The following ZNF385D variants were observed in gnomAD, a reference collection of about 807,000 sequenced individuals.
ZNF385D encodes the protein zinc finger protein 385D.
In ZNF385D, 15 loss-of-function variants were observed where a neutral mutation model predicts 35.8. The ratio of observed to expected loss-of-function variants is 0.42; its 90% CI spans 0.28 to 0.64. The LOEUF (loss-of-function observed/expected upper bound fraction) is 0.64, where lower values mean the gene tolerates loss of function less well. Among genes scored for constraint, ZNF385D ranks in the 30% least tolerant of loss-of-function variants. ZNF385D has a pLI of 0.23. For synonymous variants in ZNF385D, 212 were observed against 186.8 expected (o/e 1.13, Z -1.10); for missense variants, 474 against 494.6 (o/e 0.96, Z 0.39).
chr3:21,588,530 G>A lies in ZNF385D; in HGVS notation c.166-23846C>T, dbSNP rs551506855. ...TTATCAAACAGTATATAACCTTATAGAGATAACATATACAATATATATAAA... is the reference window on the plus strand; with the variant it reads ...TTATCAAACAGTATATAACCTTATAAAGATAACATATACAATATATATAAA... On this transcript the variant is annotated intron_variant, in intron 2 of 7. Transcript: ENST00000281523. 1.4e-3 allele frequency among the ~76,000 whole-genome samples: 207 copies of A among 152,058 alleles called. 2 individuals are homozygous for A. The highest frequency in any genetic ancestry group is 1.0e-3 in the Non-Finnish European group (69 of 67,970).
At chr3:21,853,713 A>C (rs1231546036) in intron 3 of ZNF385D, among the ~76,000 whole-genome samples, 2 of 151,944 alleles carry the variant, frequency 1.3e-5, no homozygotes, top group Non-Finnish European at 2.9e-5. Flanking sequence ...ATGTCATTTC[A>C]TCACGATGAG....
chr3:21,633,405 C>G (rs1265824670), intron 2 of ZNF385D, among the ~76,000 whole-genome samples: 1 of 151,930 alleles, frequency 6.6e-6, no homozygotes, highest in Non-Finnish European at 1.5e-5. Context: ...ATATAAACAA[C>G]TATACTAACA....
chr3:22,204,875 A>C (rs1697041575), intron 2 of ZNF385D, among the ~76,000 whole-genome samples: 1 of 151,790 alleles, frequency 6.6e-6, no homozygotes, highest in Non-Finnish European at 1.5e-5. Flanking sequence ...AAATAGCCTC[A>C]AAAGGGCAAA....
chr3:21,848,701 C>G (rs549536803), intron 3 of ZNF385D, among the ~76,000 whole-genome samples: 1 of 151,920 alleles, frequency 6.6e-6, no homozygotes, highest in Non-Finnish European at 1.5e-5. Context: ...AATAGAATGC[C>G]TGAATAGTCG....
chr3:22,257,102 G>C (rs1466385525), intron 2 of ZNF385D, among the ~76,000 whole-genome samples: 2 of 151,742 alleles, frequency 1.3e-5, no homozygotes, highest in Non-Finnish European at 2.9e-5. Flanking sequence ...TGAAACAACA[G>C]GACCTTGGGA....
intron 3 of ZNF385D, among the ~76,000 whole-genome samples, chr3:22,040,649 T>C (rs917750662): frequency 2.0e-5 from 3 of 152,320 alleles, no homozygotes; most frequent in East Asian, 3.9e-4. Context: ...TAAAGAATTA[T>C]GGGAACAAGG....
At chr3:21,960,287 C>A (rs1438737139) in intron 3 of ZNF385D, among the ~76,000 whole-genome samples, 3 of 151,602 alleles carry the variant, frequency 2.0e-5, no homozygotes, top group African/African-American at 7.3e-5. Flanking sequence ...ATAAACATTT[C>A]TCAAAAGAAG....
At chr3:21,886,799 G>C (rs1698570805) in intron 3 of ZNF385D, among the ~76,000 whole-genome samples, 1 of 152,072 alleles carries the variant, frequency 6.6e-6, no homozygotes, top group African/African-American at 2.4e-5. Flanking sequence ...ATCTAATAAA[G>C]AGTTGTATAT....
intron 3 of ZNF385D, among the ~76,000 whole-genome samples, chr3:21,807,782 C>T (rs569501763): frequency 1.0e-3 from 154 of 152,228 alleles, no homozygotes; most frequent in African/African-American, 3.4e-3. Flanking sequence ...TCAATGGCAT[C>T]TTCAAATATG....
Position 21,570,496 on chromosome 3 carries a change from A to C in ZNF385D, c.166-5812T>G, listed in dbSNP as rs118161886. ...TGTTCCTATTATTACTGTGGCTTTC[A>C]CAATTTCACAGTTCTTAAACCAAAG... is the stretch of plus-strand genomic sequence containing the variant. On this transcript the variant is annotated intron_variant, in intron 2 of 7. Coordinates refer to ENST00000281523, the MANE Select transcript of ZNF385D (RefSeq NM_024697.3). Among the ~76,000 whole-genome samples the C allele has an allele frequency of 1.6e-3, 244 of 152,286 alleles. 8 individuals are homozygous for C. The South Asian group carries it at 0.032, about 20-fold the overall frequency.
intron 3 of ZNF385D, among the ~76,000 whole-genome samples, chr3:22,126,349 A>G (rs1470867083): frequency 8.2e-6 from 1 of 121,714 alleles, no homozygotes; most frequent in Non-Finnish European, 1.6e-5. Flanking sequence ...TGGTGTAGGC[A>G]CTTGTTGCTA....
chr3:22,258,491 C>A (rs940276938), intron 2 of ZNF385D, among the ~76,000 whole-genome samples: 1 of 151,538 alleles, frequency 6.6e-6, no homozygotes, highest in African/African-American at 2.4e-5. Flanking sequence ...GGTTTTAGAA[C>A]CAAATCATCA....
chr3:21,433,187 G>A (rs1411024202), intron 5 of ZNF385D, among the ~76,000 whole-genome samples: 1 of 152,098 alleles, frequency 6.6e-6, no homozygotes, highest in Non-Finnish European at 1.5e-5. Context: ...CTATATCACT[G>A]ATAGCATTTA....
chr3:22,346,842 TA>T (rs199930014), intron 2 of ZNF385D, among the ~76,000 whole-genome samples: 1,871 of 152,340 alleles, frequency 0.012, 35 homozygotes, highest in African/African-American at 0.043. Flanking sequence ...TTGCCTACTT[TA>T]AAAAGAAAAT....
chr3:21,761,939 C>T (rs1229926252), intron 3 of ZNF385D, among the ~76,000 whole-genome samples: 6 of 127,520 alleles, frequency 4.7e-5, no homozygotes, highest in African/African-American at 1.2e-4. Flanking sequence ...AGTGCAGTGG[C>T]GCGATCTCGG....
intron 3 of ZNF385D, among the ~76,000 whole-genome samples, chr3:21,964,412 TAAAAAAAAAAAAAAAAAAAAGAA>T (rs1373246043): frequency 2.8e-5 from 2 of 71,484 alleles, no homozygotes; most frequent in Non-Finnish European, 5.5e-5. Flanking sequence ...GTCCTTTTTG[TAAAAAAAAAAAAAAAAAAAAGAA>T]AAAAAAAAAA....
chr3:21,579,649 C>T (rs2063594767), intron 2 of ZNF385D: 2 of 152,066 alleles, frequency 1.3e-5, no homozygotes, highest in Admixed American at 1.3e-4. Flanking sequence ...CAAAATACTG[C>T]AAACTCAGTG....
At chr3:21,617,067 C>T (rs887275800) in intron 2 of ZNF385D, among the ~76,000 whole-genome samples, 3 of 152,154 alleles carry the variant, frequency 2.0e-5, no homozygotes, top group South Asian at 2.1e-4. Context: ...CAAATTTGAG[C>T]AATCTCCTCT....
rs746330382 is a variant in ZNF385D at position 21,510,877 on chromosome 3, G to C, written c.423C>G (p.Thr141=). ...FTSITTNTIN[T]SSDKTDGTAG... is the part of the protein sequence containing the mutation. The stretch of plus-strand genomic sequence containing the variant: ...TTGCTTAACCTGTTTTGTCAGAGCT[G>C]GTATTGATGGTATTGGTAGTGATGG... The change falls in exon 4 of 8, where the codon ACC becomes ACG. Residue 141 remains threonine (T), a synonymous_variant. Transcript: ENST00000281523. 9.3e-6 allele frequency: 15 copies of C among 1,613,948 alleles called. No individual in the cohort carries two copies. Among genetic ancestry groups the C allele is most frequent in the Non-Finnish European group, 1.3e-5 (15 of 1,179,962 alleles).
Sources: allele counts gnomAD v4.1 joint callset (sites outside exome capture counted in the v4.1 genomes callset), GRCh38; gene constraint gnomAD v4.1.1; transcripts MANE v1.5; gene names NCBI Gene and HGNC (gene_info 2026-07-23, HGNC 2026-07-21).